KDM4A: variants seen among roughly 807,000 people sequenced by gnomAD.
KDM4A encodes lysine-specific demethylase 4A.
KDM4A carries 23 observed loss-of-function variants against 127.1 expected under a neutral mutation model. The observed-to-expected ratio is 0.18, with a 90% CI of 0.13 to 0.26. The LOEUF is 0.26. Among genes scored for constraint, KDM4A ranks in the 10% least tolerant of loss-of-function variants. The pLI is 1.00. For missense variants in KDM4A, 890 were observed against 1,329.1 expected (o/e 0.67, Z 5.14); for synonymous variants, 443 against 466.5 (o/e 0.95, Z 0.65).
At chr1:43,678,564 C>T (rs1434663722) in intron 11 of KDM4A, among the ~76,000 whole-genome samples, 1 of 146,676 alleles carries the variant, frequency 6.8e-6, no homozygotes, top group African/African-American at 2.5e-5. Context: ...GGTGGAGGGA[C>T]AGGAGGGGAT....
chr1:43,656,329 GTTTTTTTTTTTTTTT>G (rs11438925), intron 3 of KDM4A, among the ~76,000 whole-genome samples: 2 of 54,156 alleles, frequency 3.7e-5, no homozygotes, highest in African/African-American at 8.1e-5. Context: ...TCTGCTGTTG[GTTTTTTTTTTTTTTT>G]TTTTTTTTTT....
intron 1 of KDM4A, chr1:43,650,781 T>A (rs1278077939): frequency 1.3e-5 from 2 of 152,440 alleles, no homozygotes; most frequent in Non-Finnish European, 2.9e-5. Context: ...GTGGAGAAAC[T>A]GAGACTCAAG....
intron 12 of KDM4A, among the ~76,000 whole-genome samples, chr1:43,687,781 A>G (rs1165619133): frequency 6.6e-6 from 1 of 152,262 alleles, no homozygotes; most frequent in South Asian, 2.1e-4. Flanking sequence ...TATCACTTAC[A>G]TGAGTTTTGT....
chr1:43,665,938 G>A (rs1370440720), intron 6 of KDM4A, among the ~76,000 whole-genome samples, 193 bp downstream of exon 6: 1 of 152,168 alleles, frequency 6.6e-6, no homozygotes, highest in African/African-American at 2.4e-5. Context: ...GACTGTCTGT[G>A]CCTCAGTTTT....
chr1:43,659,057 G>A (rs1660313690), intron 3 of KDM4A, among the ~76,000 whole-genome samples: 1 of 151,936 alleles, frequency 6.6e-6, no homozygotes, highest in South Asian at 2.1e-4. Flanking sequence ...ATCACTTTGG[G>A]AGGCCGAGGT....
intron 11 of KDM4A, among the ~76,000 whole-genome samples, chr1:43,680,101 G>C (rs1240051900): frequency 6.6e-6 from 1 of 152,200 alleles, no homozygotes; most frequent in Middle Eastern, 3.2e-3. Context: ...ACCATGAGAA[G>C]GGTGCGGATG....
intron 11 of KDM4A, among the ~76,000 whole-genome samples, chr1:43,677,344 C>CAA (rs35771419): frequency 1.2e-3 from 79 of 65,774 alleles, no homozygotes; most frequent in African/African-American, 2.9e-3. Context: ...GACTCCATCT[C>CAA]AAAAAAAAAA....
intron 13 of KDM4A, among the ~76,000 whole-genome samples, chr1:43,690,174 C>T (rs75016707): frequency 2.5e-3 from 377 of 152,368 alleles, no homozygotes; most frequent in African/African-American, 8.6e-3. Flanking sequence ...GACAGTGCTG[C>T]AGTTCAGGTG....
At chr1:43,656,430 C>T (rs1660242229) in intron 3 of KDM4A, among the ~76,000 whole-genome samples, 2 of 149,638 alleles carry the variant, frequency 1.3e-5, no homozygotes, top group African/African-American at 5.0e-5. Context: ...CTCTGTCTCC[C>T]AGGTTCACGT....
intron 12 of KDM4A, among the ~76,000 whole-genome samples, chr1:43,684,796 T>A (rs753342975): frequency 1.3e-5 from 2 of 152,228 alleles, no homozygotes; most frequent in Non-Finnish European, 2.9e-5. Flanking sequence ...CTCCTAGTGC[T>A]GGCATCTTGA....
At chr1:43,673,249 TAGA>T (rs1660667073) in intron 11 of KDM4A, among the ~76,000 whole-genome samples, 1 of 152,158 alleles carries the variant, frequency 6.6e-6, no homozygotes, top group African/African-American at 2.4e-5. Context: ...GGGTGGGAGA[TAGA>T]AGAAGCCAGT....
At chr1:43,671,966 T>C in intron 11 of KDM4A, 91 bp downstream of exon 11, 1 of 1,410,860 alleles carries the variant, frequency 7.1e-7, no homozygotes, top group South Asian at 1.7e-5. Context: ...GAGGTGGATC[T>C]GTGTGATGGA....
At chr1:43,675,795 G>A (rs1034107991) in intron 11 of KDM4A, among the ~76,000 whole-genome samples, 11 of 152,246 alleles carry the variant, frequency 7.2e-5, no homozygotes, top group East Asian at 1.9e-4. Flanking sequence ...ACAAAGGGCC[G>A]GGTGCCGTGG....
At chr1:43,703,409 T>C (rs1297116201) in intron 19 of KDM4A, 1 of 424,370 alleles carries the variant, frequency 2.4e-6, no homozygotes, top group Non-Finnish European at 4.2e-6. Context: ...TTTTTTTTTT[T>C]TGGTCACCTA....
intron 13 of KDM4A, 185 bp from the exon 14 acceptor site, chr1:43,690,660 G>A: frequency 1.5e-6 from 1 of 653,000 alleles, no homozygotes; most frequent in Non-Finnish European, 2.7e-6. Context: ...ATGCTGCTGT[G>A]AGAAACTGAA....
intron 15 of KDM4A, among the ~76,000 whole-genome samples, 178 bp downstream of exon 15, chr1:43,691,750 A>G (rs1244292167): frequency 1.3e-5 from 2 of 152,094 alleles, no homozygotes; most frequent in African/African-American, 4.8e-5. Flanking sequence ...GTTGCTGCCC[A>G]CTTACGGAGT....
At chr1:43,654,980 A>G (rs1202253153) in intron 2 of KDM4A, among the ~76,000 whole-genome samples, 2 of 151,772 alleles carry the variant, frequency 1.3e-5, no homozygotes, top group East Asian at 1.9e-4. Flanking sequence ...CCCCCCAAAT[A>G]GCCGGGATTA....
chr1:43,686,682 T>C (rs1660989923), intron 12 of KDM4A, among the ~76,000 whole-genome samples: 2 of 152,228 alleles, frequency 1.3e-5, no homozygotes, highest in Admixed American at 6.5e-5. Flanking sequence ...TTTCCCTGCA[T>C]GTCCCAAGAA....
intron 2 of KDM4A, among the ~76,000 whole-genome samples, chr1:43,654,733 GTGTGTGTT>G (rs1398050799): frequency 1.3e-5 from 1 of 74,768 alleles, no homozygotes; most frequent in East Asian, 3.6e-4. Flanking sequence ...GTGTGTGTGT[GTGTGTGTT>G]GTTTTCTCCC....
Sources: allele counts gnomAD v4.1 joint callset (sites outside exome capture counted in the v4.1 genomes callset), GRCh38; gene constraint gnomAD v4.1.1; transcripts MANE v1.5; gene names NCBI Gene and HGNC (gene_info 2026-07-23, HGNC 2026-07-21).